NTNG1: variants seen among roughly 807,000 people sequenced by gnomAD.
NTNG1 encodes netrin G1.
NTNG1 carries 16 observed loss-of-function variants against 54.0 expected under a neutral mutation model. The ratio of observed to expected loss-of-function variants is 0.30; its 90% CI spans 0.20 to 0.45. The LOEUF (loss-of-function observed/expected upper bound fraction) is 0.45, where lower values mean the gene tolerates loss of function less well. Among genes scored for constraint, NTNG1 ranks in the 20% least tolerant of loss-of-function variants. The pLI is 1.00. For synonymous variants in NTNG1, 255 were observed against 263.1 expected (o/e 0.97, Z 0.30); for missense variants, 530 against 678.7 (o/e 0.78, Z 2.43).
At position 107,324,611 on chromosome 1, in the gene NTNG1, C is replaced by T. The variant is rs1216616337; in HGVS notation, c.576C>T (p.Ser192=). ...ATGCTTTTCACATGGATCCTAAATCCGTGAAGGATTTATCACAGCATACGG... is the reference window on the plus strand; with the variant it reads ...ATGCTTTTCACATGGATCCTAAATCTGTGAAGGATTTATCACAGCATACGG... ...CLDAFHMDPK[S]VKDLSQHTVL... is the part of the protein sequence containing the mutation. Residue 192 remains serine (S), a synonymous_variant, in exon 3 of 8, where the codon TCC becomes TCT. Transcript: ENST00000370068. 1.2e-6 allele frequency: 2 copies of T among 1,613,552 alleles called. No individual in the cohort carries two copies. The highest frequency in any genetic ancestry group is 1.7e-5 in the Admixed American group (1 of 59,872).
At chr1:107,434,215 CTG>C (rs1675457094) in intron 6 of NTNG1, among the ~76,000 whole-genome samples, 1 of 152,184 alleles carries the variant, frequency 6.6e-6, no homozygotes, top group African/African-American at 2.4e-5. Context: ...AATGTAGGCT[CTG>C]TGTGATGAAA....
At chr1:107,272,914 T>C (rs572233223) in intron 2 of NTNG1, among the ~76,000 whole-genome samples, 17 of 152,322 alleles carry the variant, frequency 1.1e-4, no homozygotes, top group African/African-American at 3.1e-4. Flanking sequence ...TCTGGTAAAA[T>C]TGTCCATAAT....
intron 2 of NTNG1, among the ~76,000 whole-genome samples, chr1:107,165,232 G>C (rs1050373549): frequency 2.6e-5 from 4 of 152,142 alleles, no homozygotes; most frequent in Admixed American, 6.5e-5. Context: ...AGAGAACCAG[G>C]AAGTTAAACT....
At chr1:107,268,829 G>A (rs1040753768) in intron 2 of NTNG1, among the ~76,000 whole-genome samples, 8 of 152,216 alleles carry the variant, frequency 5.3e-5, no homozygotes, top group African/African-American at 1.7e-4. Flanking sequence ...AAATCTTGTA[G>A]TTGTCTATCA....
chr1:107,184,853 T>A (rs1174784675), intron 2 of NTNG1, among the ~76,000 whole-genome samples: 2 of 152,182 alleles, frequency 1.3e-5, no homozygotes, highest in Non-Finnish European at 2.9e-5. Flanking sequence ...CTTAAAGATT[T>A]CTGTAGATCA....
At chr1:107,313,720 A>G (rs1407553897) in intron 2 of NTNG1, among the ~76,000 whole-genome samples, 2 of 152,176 alleles carry the variant, frequency 1.3e-5, no homozygotes, top group Non-Finnish European at 2.9e-5. Flanking sequence ...AGGAAAACTA[A>G]TGGAGATGAA....
intron 2 of NTNG1, among the ~76,000 whole-genome samples, chr1:107,149,603 A>G (rs971359371): frequency 5.3e-5 from 8 of 152,102 alleles, no homozygotes; most frequent in African/African-American, 1.9e-4. Context: ...TTTTTTCTGC[A>G]TAGAAAGTTA....
At chr1:107,427,790 A>G (rs200739411) in intron 5 of NTNG1, among the ~76,000 whole-genome samples, 1 of 152,102 alleles carries the variant, frequency 6.6e-6, no homozygotes, top group East Asian at 1.9e-4. Flanking sequence ...ATACTATTGC[A>G]TGTTTAGCTG....
chr1:107,171,635 T>A (rs555226926), intron 2 of NTNG1, among the ~76,000 whole-genome samples: 51 of 152,286 alleles, frequency 3.3e-4, no homozygotes, highest in African/African-American at 1.1e-3. Flanking sequence ...TGGGGCTCTG[T>A]ACTGCAGTCG....
intron 2 of NTNG1, among the ~76,000 whole-genome samples, chr1:107,277,907 T>G (rs1162119454): frequency 6.6e-6 from 1 of 152,204 alleles, no homozygotes; most frequent in Non-Finnish European, 1.5e-5. Context: ...CAACCTTAAC[T>G]CTAATAAATA....
intron 3 of NTNG1, among the ~76,000 whole-genome samples, chr1:107,326,872 C>A (rs1039105608): frequency 6.6e-6 from 1 of 152,102 alleles, no homozygotes. Flanking sequence ...GTAAAATAAA[C>A]TTGAAAGCTA....
intron 3 of NTNG1, among the ~76,000 whole-genome samples, chr1:107,338,031 C>T (rs780581998): frequency 2.0e-5 from 3 of 151,950 alleles, no homozygotes; most frequent in Non-Finnish European, 2.9e-5. Flanking sequence ...TTATTTCATA[C>T]TGTAGGTAAG....
At chr1:107,273,777 T>C (rs1346088682) in intron 2 of NTNG1, among the ~76,000 whole-genome samples, 2 of 152,246 alleles carry the variant, frequency 1.3e-5, no homozygotes, top group Non-Finnish European at 2.9e-5. Context: ...GTCACAGTCA[T>C]GTACCCATAG....
intron 7 of NTNG1, among the ~76,000 whole-genome samples, chr1:107,460,647 T>G (rs1677228286): frequency 6.6e-6 from 1 of 152,216 alleles, no homozygotes; most frequent in Non-Finnish European, 1.5e-5. Context: ...ATCCTTCAGC[T>G]TTCACTTTTA....
intron 5 of NTNG1, among the ~76,000 whole-genome samples, chr1:107,428,506 T>G (rs935529948): frequency 1.1e-4 from 16 of 152,030 alleles, no homozygotes; most frequent in African/African-American, 3.6e-4. Context: ...ATTAATTAAA[T>G]TAGATGTACC....
Position 107,480,790 on chromosome 1 carries a change from C to A in NTNG1, c.1570C>A (p.Leu524Met), listed in dbSNP as rs769128251. 1 of 1,591,334 alleles carries A rather than the reference C, an allele frequency of 6.3e-7. No homozygotes were observed. Among genetic ancestry groups the A allele is most frequent in the Non-Finnish European group, 8.5e-7 (1 of 1,170,034 alleles). ...CGCGCCCCCGCACGGCTCCCCAGCG[C>A]TGCTGCTGCTGACCACGCTGCTGGG... ...QGAPPHGSPA[L>M]LLLTTLLGTA... Residue 524 changes from leucine (L) to methionine (M), a missense_variant, in exon 8 of 8, where the codon CTG becomes ATG. By Grantham distance (15) the Leu-to-Met change is conservative (BLOSUM62 2). Around this residue, in one of 2 missense-constraint regions of NTNG1, gnomAD observed 212 missense variants for 213.6 expected, o/e 0.99. Coordinates refer to ENST00000370068, the MANE Select transcript of NTNG1 (RefSeq NM_001113226.3).
intron 2 of NTNG1, among the ~76,000 whole-genome samples, chr1:107,159,980 C>T (rs1285245949): frequency 6.6e-6 from 1 of 152,158 alleles, no homozygotes; most frequent in Non-Finnish European, 1.5e-5. Context: ...ATGTAAAAAA[C>T]AGAATAATAA....
At chr1:107,151,245 A>G (rs1654548423) in intron 2 of NTNG1, among the ~76,000 whole-genome samples, 1 of 152,200 alleles carries the variant, frequency 6.6e-6, no homozygotes, top group African/African-American at 2.4e-5. Context: ...ATACAGCAAC[A>G]CATTCACTCT....
intron 2 of NTNG1, among the ~76,000 whole-genome samples, chr1:107,153,733 G>T (rs1437772336): frequency 6.6e-6 from 1 of 151,936 alleles, no homozygotes; most frequent in Non-Finnish European, 1.5e-5. Context: ...TTGAATTTGG[G>T]TGCATACAGC....
Sources: gnomAD v4.1 joint callset for allele counts (sites outside exome capture counted in the v4.1 genomes callset) on GRCh38, gnomAD v4.1.1 for gene constraint, gnomAD v4.1.1 regional missense constraint, MANE v1.5 for transcripts, NCBI Gene and HGNC (gene_info 2026-07-23, HGNC 2026-07-21) for gene names.